The following INTS15 variants were observed in gnomAD, a reference collection of about 807,000 sequenced individuals.
INTS15 encodes uncharacterized protein C7orf26.
the INTS15 span, among the ~76,000 whole-genome samples, chr7:6,603,531 A>G: frequency 6.6e-6 from 1 of 151,684 alleles, no homozygotes; most frequent in Non-Finnish European, 1.5e-5. Context: ...TGGGTGACAG[A>G]GCCAGACTCT....
At chr7:6,603,007 T>C in the INTS15 span, among the ~76,000 whole-genome samples, 1 of 152,168 alleles carries the variant, frequency 6.6e-6, no homozygotes, top group African/African-American at 2.4e-5. Context: ...CCCAGCACTT[T>C]GGGAAGCTGA....
At chr7:6,602,012 C>A in the INTS15 span, 1 of 1,214,682 alleles carries the variant, frequency 8.2e-7, no homozygotes, top group Non-Finnish European at 1.2e-6. Flanking sequence ...CTCTTGCTGT[C>A]TTGCTAGCAT....
At chr7:6,593,708 G>A in the INTS15 span, among the ~76,000 whole-genome samples, 2 of 146,064 alleles carry the variant, frequency 1.4e-5, no homozygotes, top group East Asian at 2.0e-4. Context: ...GTGCAGTGGT[G>A]TGACCACGGG....
the INTS15 span, chr7:6,602,838 C>T: frequency 2.3e-6 from 1 of 438,348 alleles, no homozygotes; most frequent in Non-Finnish European, 4.8e-6. Flanking sequence ...GTCAGCTTCC[C>T]TGCCTTCTGC....
At chr7:6,598,468 C>A in the INTS15 span, among the ~76,000 whole-genome samples, 298 of 121,112 alleles carry the variant, frequency 2.5e-3, no homozygotes, top group Middle Eastern at 4.2e-3. Flanking sequence ...GACTCCATCT[C>A]AAAAAAAAAA....
At chr7:6,599,254 G>C in the INTS15 span, among the ~76,000 whole-genome samples, 3 of 152,174 alleles carry the variant, frequency 2.0e-5, no homozygotes, top group African/African-American at 7.2e-5. Context: ...GTCACCATCT[G>C]TTCTTCTCTG....
the INTS15 span, among the ~76,000 whole-genome samples, chr7:6,597,517 ACTC>A: frequency 6.6e-6 from 1 of 151,290 alleles, no homozygotes; most frequent in African/African-American, 2.4e-5. Context: ...CTGGTCTCAA[ACTC>A]CTGACTTTAA....
the INTS15 span, chr7:6,599,803 C>G: frequency 5.0e-6 from 8 of 1,605,066 alleles, no homozygotes; most frequent in East Asian, 6.7e-5. Context: ...CAAGAGTGCT[C>G]CTGACCTAAT....
At chr7:6,598,657 G>C in the INTS15 span, among the ~76,000 whole-genome samples, 1 of 150,940 alleles carries the variant, frequency 6.6e-6, no homozygotes, top group Non-Finnish European at 1.5e-5. Context: ...TAAGGGCATT[G>C]CACACCAAGC....
chr7:6,597,183 TCTC>T, the INTS15 span, among the ~76,000 whole-genome samples: 1 of 152,168 alleles, frequency 6.6e-6, no homozygotes, highest in Non-Finnish European at 1.5e-5. Context: ...TTCCCTTCTC[TCTC>T]CTCCAAAGGC....
the INTS15 span, among the ~76,000 whole-genome samples, chr7:6,593,628 C>T: frequency 4.2e-3 from 634 of 150,930 alleles, 6 homozygotes; most frequent in African/African-American, 0.014. Flanking sequence ...GCCACCACAC[C>T]CAGTCAGGTG....
At chr7:6,599,550 T>C in the INTS15 span, among the ~76,000 whole-genome samples, 1 of 152,224 alleles carries the variant, frequency 6.6e-6, no homozygotes, top group Non-Finnish European at 1.5e-5. Context: ...CCAAAGCATG[T>C]TGGAGTTCCA....
At chr7:6,591,936 C>A in the INTS15 span, 4 of 1,439,474 alleles carry the variant, frequency 2.8e-6, no homozygotes, top group Non-Finnish European at 3.9e-6. Context: ...CTTTGGGAAG[C>A]TGAGGTGGGC....
the INTS15 span, among the ~76,000 whole-genome samples, chr7:6,598,785 G>GTGTGTGTGTGTGTGTT: frequency 5.8e-5 from 5 of 86,568 alleles, no homozygotes; most frequent in Admixed American, 1.3e-4. Context: ...GTGTGTGTGT[G>GTGTGTGTGTGTGTGTT]TATTTTTTTT....
At chr7:6,601,012 A>C in the INTS15 span, among the ~76,000 whole-genome samples, 1 of 150,192 alleles carries the variant, frequency 6.7e-6, no homozygotes, top group Non-Finnish European at 1.5e-5. Flanking sequence ...CTGTTGCCCA[A>C]GCTGGAGTGC....
the INTS15 span, chr7:6,608,208 G>C: frequency 1.4e-4 from 208 of 1,533,032 alleles, 1 homozygote; most frequent in South Asian, 2.2e-3. Context: ...GAAGCCTTTC[G>C]AGATGGAAGG....
At chr7:6,600,292 G>C in the INTS15 span, 5 of 1,614,110 alleles carry the variant, frequency 3.1e-6, no homozygotes, top group East Asian at 6.7e-5. Context: ...TTGAGCTCTC[G>C]CTGGACCGGC....
At chr7:6,608,483 C>T in the INTS15 span, 24 of 1,229,272 alleles carry the variant, frequency 2.0e-5, no homozygotes, top group Non-Finnish European at 2.2e-5. Flanking sequence ...GCAGGAGCCA[C>T]GGGTGCAAGC....
the INTS15 span, among the ~76,000 whole-genome samples, chr7:6,605,096 G>A: frequency 1.3e-5 from 2 of 152,018 alleles, no homozygotes; most frequent in South Asian, 2.1e-4. Context: ...GGATTCAAGC[G>A]ATTCTCCTGC....
Sources: allele counts gnomAD v4.1 joint callset (sites outside exome capture counted in the v4.1 genomes callset), GRCh38; gene constraint gnomAD v4.1.1; transcripts MANE v1.5; gene names NCBI Gene and HGNC (gene_info 2026-07-23, HGNC 2026-07-21).